The following GPAA1 variants were observed in gnomAD, a reference collection of about 807,000 sequenced individuals.
The protein encoded by GPAA1 is GPI-anchor transamidase component GPAA1.
GPAA1 carries 54 observed loss-of-function variants against 64.0 expected under a neutral mutation model. The ratio of observed to expected loss-of-function variants is 0.84; its 90% CI spans 0.68 to 1.06. The LOEUF is 1.06. GPAA1 is among the 50% of genes least tolerant of loss of function. The pLI is 0.00. For missense variants in GPAA1, 780 were observed against 822.3 expected (o/e 0.95, Z 0.63); for synonymous variants, 393 against 377.3 (o/e 1.04, Z -0.48).
chr8:144,084,060 C>G lies in GPAA1; in HGVS notation c.616+20C>G, dbSNP rs1835953408. The G allele has an allele frequency of 6.2e-7, 1 of 1,609,268 alleles. No homozygotes were observed. Among genetic ancestry groups the G allele is most frequent in the Non-Finnish European group, 8.5e-7 (1 of 1,175,662 alleles). The stretch of plus-strand genomic sequence containing the variant: ...TCACTGGTAGGTTCTCTTGTCCTGC[C>G]TGCCCTGGTCCCCCTCTCAGGGTCA... On this transcript the variant is annotated intron_variant, in intron 5 of 11. Transcript: ENST00000355091.
chr8:144,085,195 G>C (rs1835977144), intron 9 of GPAA1, 57 bp downstream of exon 9: 6 of 1,461,118 alleles, frequency 4.1e-6, no homozygotes, highest in Non-Finnish European at 5.6e-6. Flanking sequence ...CTGGTGTTTA[G>C]TGTTGCAACT....
Position 144,085,590 on chromosome 8 carries a change from C to T in GPAA1, c.1469C>T (p.Ala490Val), listed in dbSNP as rs1554764263. 2 of 1,613,556 alleles carry T rather than the reference C, an allele frequency of 1.2e-6. No individual in the cohort carries two copies. The highest frequency in any genetic ancestry group is 2.2e-5 in the East Asian group (1 of 44,886). Residue 490 changes from alanine to valine, a missense_variant, in exon 11 of 12, where the codon GCC (alanine) becomes GTC (valine). Physicochemically the swap from Ala to Val is moderately conservative, Grantham distance 64. Coordinates refer to ENST00000355091, the MANE Select transcript of GPAA1 (RefSeq NM_003801.4). ...HNTHRVVSTQ[A>V]PDRGWMALKL... ...TCTTACAGGGTGGTAAGCACACAGG[C>T]CCCAGACAGGGGCTGGATGGCACTG...
At chr8:144,082,914 T>A in intron 1 of GPAA1, 110 bp downstream of exon 1, 1 of 981,124 alleles carries the variant, frequency 1.0e-6, no homozygotes, top group Non-Finnish European at 1.4e-6. Flanking sequence ...CTCGCGCCCC[T>A]CCGGCTGCTC....
chr8:144,084,513 C>T lies in GPAA1; in HGVS notation c.914C>T (p.Ser305Phe). ...CAGGCCTCCGGCCGCCCCCACGGCTCCCATGGCCTCTTCCTGCGCTACCGT... is the reference window on the plus strand; with the variant it reads ...CAGGCCTCCGGCCGCCCCCACGGCTTCCATGGCCTCTTCCTGCGCTACCGT... ...LRQASGRPHG[S>F]HGLFLRYRVE... Residue 305 changes from serine to phenylalanine, a missense_variant, in exon 7 of 12, where the codon TCC (serine) becomes TTC (phenylalanine). By Grantham distance (155) the Ser-to-Phe change is radical. Transcript: ENST00000355091. 2.5e-6 allele frequency: 4 copies of T among 1,613,642 alleles called. No homozygotes were observed. The highest frequency in any genetic ancestry group is 3.4e-6 in the Non-Finnish European group (4 of 1,179,966).
Position 144,085,604 on chromosome 8 carries a change from T to C in GPAA1, c.1483T>C (p.Trp495Arg). The C allele has an allele frequency of 6.2e-7, 1 of 1,613,840 alleles. No homozygotes were observed. The highest frequency in any genetic ancestry group is 1.7e-5 in the Admixed American group (1 of 60,012). ...AAGCACACAGGCCCCAGACAGGGGCTGGATGGCACTGAAGCTGGTAGCCCT... is the reference window on the plus strand; with the variant it reads ...AAGCACACAGGCCCCAGACAGGGGCCGGATGGCACTGAAGCTGGTAGCCCT... Reference protein sequence around the residue: ...VVSTQAPDRGWMALKLVALIY... With the variant: ...VVSTQAPDRGRMALKLVALIY... Residue 495 changes from tryptophan to arginine, a missense_variant, in exon 11 of 12, where the codon TGG (tryptophan) becomes CGG (arginine). Transcript: ENST00000355091.
Position 144,085,725 on chromosome 8 carries a change from C to A in GPAA1, c.1604C>A (p.Ala535Asp). 6.2e-7 allele frequency: 1 copy of A among 1,612,958 alleles called. No homozygotes were observed. The highest frequency in any genetic ancestry group is 8.5e-7 in the Non-Finnish European group (1 of 1,179,978). The change falls in exon 11 of 12, where the codon GCC (alanine) becomes GAC (aspartate). Residue 535 changes from alanine to aspartate, a missense_variant. Ala to Asp is a moderately radical substitution (Grantham distance 126). Transcript: ENST00000355091. ...ATTMVPTAAL[A>D]KPHGPRTLYA... ...ACCATGGTGCCCACTGCTGCGCTTG[C>A]CAAGCCTCATGGGCCCCGGTATGTA...
rs1231786606 is a variant in GPAA1, at chr8:144,083,589, G to A, written c.366+89G>A. The A allele has an allele frequency of 1.5e-5, 22 of 1,424,750 alleles. No homozygotes were observed. The East Asian group carries it at 3.0e-4, about 19-fold the overall frequency. 88.3% of individuals were successfully genotyped at this position (1,424,750 alleles called of 1,614,324 possible). On this transcript the variant is annotated intron_variant, in intron 3 of 11. Transcript: ENST00000355091. Reference sequence around the variant, plus strand: ...GTATCACCTTGCGGGGGTGTCATGGGGCCAGGAAGCTCAGTGGGAGGGAAA... The same window carrying A: ...GTATCACCTTGCGGGGGTGTCATGGAGCCAGGAAGCTCAGTGGGAGGGAAA...
In GPAA1 at chr8:144,085,693, G is replaced by C; in HGVS notation, c.1572G>C (p.Leu524=). 6.2e-7 allele frequency: 1 copy of C among 1,613,590 alleles called. No homozygotes were observed. Among genetic ancestry groups the C allele is most frequent in the Non-Finnish European group, 8.5e-7 (1 of 1,179,980 alleles). The change falls in exon 11 of 12, where the codon CTG becomes CTC. Residue 524 remains leucine, a synonymous_variant. Transcript: ENST00000355091. ...ALTNFSLGFL[L]ATTMVPTAAL... Reference sequence around the variant, plus strand: ...CCAACTTCTCACTGGGCTTCCTGCTGGCCACCACCATGGTGCCCACTGCTG... The same window carrying C: ...CCAACTTCTCACTGGGCTTCCTGCTCGCCACCACCATGGTGCCCACTGCTG...
rs1554764044 is a variant in GPAA1, at chr8:144,084,399, C to G, written c.814-14C>G. ...GTGGGAGGGGCTGTCTCATCCTGTC[C>G]TGCACCTCTAAAGCTGCAGCCCGAG... On this transcript the variant is annotated splice_polypyrimidine_tract_variant and intron_variant, in intron 6 of 11. Coordinates refer to ENST00000355091, the MANE Select transcript of GPAA1 (RefSeq NM_003801.4). 5 of 1,611,588 alleles carry G rather than the reference C, an allele frequency of 3.1e-6. No homozygotes were observed. In the Middle Eastern group the frequency reaches 5.0e-4, roughly 160 times the overall value.
chr8:144,085,294 G>A lies in GPAA1; in HGVS notation c.1266G>A (p.Val422=), dbSNP rs782608037. The stretch of plus-strand genomic sequence containing the variant: ...AGAGCCTGTGTGCCCTGCAGGGTGT[G>A]GGGCTGGCCTCGCTCGTGGCACCTC... ...PSVPLPPSQG[V]GLASLVAPLL... is the part of the protein sequence containing the mutation. Residue 422 remains valine, a synonymous_variant, in exon 10 of 12, where the codon GTG becomes GTA. Transcript: ENST00000355091. The A allele has an allele frequency of 3.1e-6, 5 of 1,601,676 alleles. No homozygotes were observed. Among genetic ancestry groups the A allele is most frequent in the African/African-American group, 1.3e-5 (1 of 74,904 alleles).
rs782253713 is a variant in GPAA1 at position 144,084,786 on chromosome 8, C to G, written c.1075C>G (p.Leu359Val). The change falls in exon 8 of 12, where the codon CTC (leucine) becomes GTC (valine). Residue 359 changes from leucine (L) to valine (V), a missense_variant. By Grantham distance (32) the Leu-to-Val change is conservative. Coordinates refer to ENST00000355091, the MANE Select transcript of GPAA1 (RefSeq NM_003801.4). ...GGAGCGCCTGCACCAGTCCTTCTTCCTCTACTTGCTCCCCGGCCTCTCCCG... is the reference window on the plus strand; with the variant it reads ...GGAGCGCCTGCACCAGTCCTTCTTCGTCTACTTGCTCCCCGGCCTCTCCCG... ...LLERLHQSFF[L>V]YLLPGLSRFV... 5 of 1,613,746 alleles carry G rather than the reference C, an allele frequency of 3.1e-6. No homozygotes were observed. The highest frequency in any genetic ancestry group is 4.2e-6 in the Non-Finnish European group (5 of 1,179,972).
At chr8:144,084,938 GGA>G in intron 8 of GPAA1, 63 bp downstream of exon 8, 1 of 1,592,536 alleles carries the variant, frequency 6.3e-7, no homozygotes, top group East Asian at 2.2e-5. Flanking sequence ...TCTAGGCTGG[GGA>G]GAGTCTTCCA....
At position 144,085,618 on chromosome 8, in the gene GPAA1, G is replaced by T; in HGVS notation, c.1497G>T (p.Lys499Asn). The T allele has an allele frequency of 6.2e-7, 1 of 1,613,842 alleles. No individual in the cohort carries two copies. Among genetic ancestry groups the T allele is most frequent in the Non-Finnish European group, 8.5e-7 (1 of 1,179,932 alleles). ...CAGACAGGGGCTGGATGGCACTGAAGCTGGTAGCCCTGATCTACCTAGCAC... is the reference window on the plus strand; with the variant it reads ...CAGACAGGGGCTGGATGGCACTGAATCTGGTAGCCCTGATCTACCTAGCAC... The part of the protein sequence containing the change: ...QAPDRGWMAL[K>N]LVALIYLALQ... The change falls in exon 11 of 12, where the codon AAG becomes AAT. Residue 499 changes from lysine to asparagine, a missense_variant. By Grantham distance (94) the Lys-to-Asn change is moderately conservative. Coordinates refer to ENST00000355091, the MANE Select transcript of GPAA1 (RefSeq NM_003801.4).
chr8:144,085,251 C>A, intron 9 of GPAA1, 38 bp from the exon 10 acceptor site: 1 of 1,549,910 alleles, frequency 6.5e-7, no homozygotes, highest in South Asian at 1.2e-5. Flanking sequence ...GATCCCCTGG[C>A]CCCAGGGTCC....
chr8:144,085,699 C>G lies in GPAA1; in HGVS notation c.1578C>G (p.Thr526=). 4 of 1,613,574 alleles carry G rather than the reference C, an allele frequency of 2.5e-6. No homozygotes were observed. The highest frequency in any genetic ancestry group is 3.4e-6 in the Non-Finnish European group (4 of 1,180,004). The change falls in exon 11 of 12, where the codon ACC becomes ACG. Residue 526 remains threonine (T), a synonymous_variant. Transcript: ENST00000355091. The part of the protein sequence containing the change: ...TNFSLGFLLA[T]TMVPTAALAK... Reference sequence around the variant, plus strand: ...TCTCACTGGGCTTCCTGCTGGCCACCACCATGGTGCCCACTGCTGCGCTTG... The same window carrying G: ...TCTCACTGGGCTTCCTGCTGGCCACGACCATGGTGCCCACTGCTGCGCTTG...
rs782168461 is a variant in GPAA1, at chr8:144,085,310, G to C, written c.1282G>C (p.Val428Leu). 50 of 1,606,600 alleles carry C rather than the reference G, an allele frequency of 3.1e-5. No homozygotes were observed. The South Asian group carries it at 5.2e-4, about 17-fold the overall frequency. ...PSQGVGLASL[V>L]APLLISQAMG... ...GCAGGGTGTGGGGCTGGCCTCGCTC[G>C]TGGCACCTCTGCTGATCTCACAGGC... Residue 428 changes from valine to leucine, a missense_variant, in exon 10 of 12, where the codon GTG becomes CTG. Coordinates refer to ENST00000355091, the MANE Select transcript of GPAA1 (RefSeq NM_003801.4).
rs974113261 is a variant in GPAA1 at position 144,084,533 on chromosome 8, T to C, written c.934T>C (p.Tyr312His). Reference protein sequence around the residue: ...PHGSHGLFLRYRVEALTLRGI... With the variant: ...PHGSHGLFLRHRVEALTLRGI... ...CGGCTCCCATGGCCTCTTCCTGCGC[T>C]ACCGTGTGGAGGCCCTAACCCTGCG... Residue 312 changes from tyrosine to histidine, a missense_variant, in exon 7 of 12, where the codon TAC becomes CAC. By Grantham distance (83) the Tyr-to-His change is moderately conservative. Transcript: ENST00000355091. 9.9e-6 allele frequency: 16 copies of C among 1,613,704 alleles called. No homozygotes were observed. The highest frequency in any genetic ancestry group is 2.7e-5 in the African/African-American group (2 of 74,938).
At position 144,085,096 on chromosome 8, in the gene GPAA1, CGG is replaced by C. The variant is rs782795832; in HGVS notation, c.1222_1223del (p.Gly408CysfsTer54). The stretch of plus-strand genomic sequence containing the variant: ...AGGCTGGAATGGGCCTTGAGGAGCC[CGG>C]GGGTGCCCCTGGCCCCAGTGTACCC... ...HEAGMGLEEP[G>X]GAPGPSVPLP... On this transcript the variant is annotated frameshift_variant, in exon 9 of 12. Transcript: ENST00000355091. LOFTEE classifies it high-confidence loss of function. 1.2e-6 allele frequency: 2 copies of C among 1,608,242 alleles called. No homozygotes were observed. The highest frequency in any genetic ancestry group is 1.7e-6 in the Non-Finnish European group (2 of 1,176,880).
At position 144,086,066 on chromosome 8, in the gene GPAA1, C is replaced by T. The variant is rs535715141; in HGVS notation, c.1807C>T (p.Leu603=). 3.1e-6 allele frequency: 5 copies of T among 1,613,510 alleles called. No individual in the cohort carries two copies. The highest frequency in any genetic ancestry group is 4.5e-5 in the East Asian group (2 of 44,886). Residue 603 remains leucine, a synonymous_variant, in exon 12 of 12, where the codon CTG becomes TTG. Transcript: ENST00000355091. ...HTYGALLFPL[L]SLGLYPCWLL... is the part of the protein sequence containing the mutation. ...CTACGGCGCCCTGCTCTTCCCACTG[C>T]TGTCCCTGGGCCTCTACCCCTGCTG...
Sources: allele counts gnomAD v4.1 joint callset, GRCh38; gene constraint gnomAD v4.1.1; transcripts MANE v1.5; gene names NCBI Gene and HGNC (gene_info 2026-07-23, HGNC 2026-07-21).